MAL2: variants seen among roughly 807,000 people sequenced by gnomAD.
MAL2 encodes the protein mal, T cell differentiation protein 2, also known as protein MAL2.
Under a neutral mutation model 18.1 loss-of-function variants are expected in MAL2, and 17 were observed. That is an observed-to-expected ratio of 0.94 (90% CI 0.64 to 1.41). The LOEUF is 1.41. Among genes scored for constraint, MAL2 ranks in the 40% most tolerant of loss-of-function variants. The pLI, the probability that MAL2 is intolerant of heterozygous loss-of-function variation, is 0.00. For missense variants in MAL2, 222 were observed against 231.9 expected, an observed-to-expected ratio of 0.96 and a Z score of 0.28; for synonymous variants, 102 against 102.3, an observed-to-expected ratio of 1.00 and a Z score of 0.02.
rs1332559259 is a variant in MAL2 at position 119,208,611 on chromosome 8, G to T, written c.132+7G>T. On this transcript the variant is annotated splice_region_variant and intron_variant, in intron 1 of 3. Transcript: ENST00000614891. The surrounding 1 kb of genome is among the most constrained non-coding windows in gnomAD (Gnocchi z 4.3). ...CTTCGTCTGCCTGGAGATTGTAAGT[G>T]GGGCCGCCGGAGCGAGGGTCGCGCG... The T allele has an allele frequency of 2.3e-6, 3 of 1,316,278 alleles. No homozygotes were observed. Among genetic ancestry groups the T allele is most frequent in the African/African-American group, 3.1e-5 (2 of 65,498 alleles). 81.5% of individuals were successfully genotyped at this position (1,316,278 alleles called of 1,614,324 possible). A position where few individuals can be genotyped will look rare whatever the true frequency, so the allele number is the denominator to read the frequency against.
At chr8:119,229,313 CTTTTTTTTT>C (rs60554580) in intron 2 of MAL2, among the ~76,000 whole-genome samples, 7 of 137,488 alleles carry the variant, frequency 5.1e-5, no homozygotes, top group African/African-American at 1.4e-4. Flanking sequence ...CTGTGGGCCT[CTTTTTTTTT>C]TTTTTTTTGA....
At chr8:119,216,000 C>CT (rs376321795) in intron 1 of MAL2, among the ~76,000 whole-genome samples, 243 of 151,726 alleles carry the variant, frequency 1.6e-3, no homozygotes, top group Non-Finnish European at 2.9e-3. Flanking sequence ...TGTAGATAAT[C>CT]TTTTTTTTTC....
At position 119,208,670 on chromosome 8, in the gene MAL2, C is replaced by T; in HGVS notation, c.132+66C>T. 1.6e-6 allele frequency: 2 copies of T among 1,238,790 alleles called. No individual in the cohort carries two copies. Among genetic ancestry groups the T allele is most frequent in the Non-Finnish European group, 2.0e-6 (2 of 989,418 alleles). The allele number at this position is 1,238,790 out of a possible 1,614,324, so 76.7% of individuals were successfully genotyped here. A position where few individuals can be genotyped will look rare whatever the true frequency, so the allele number is the denominator to read the frequency against. On this transcript the variant is annotated intron_variant, in intron 1 of 3. Transcript: ENST00000614891. The surrounding 1 kb of genome is among the most constrained non-coding windows in gnomAD (Gnocchi z 4.3). The stretch of plus-strand genomic sequence containing the variant: ...GGACAGGCGGCGGCATCCTTGTCCC[C>T]CGGGCTGTCTTCCTCTGCGTCCGCC...
chr8:119,225,807 C>T (rs1254493217), intron 2 of MAL2, among the ~76,000 whole-genome samples: 37 of 152,140 alleles, frequency 2.4e-4, no homozygotes, highest in Non-Finnish European at 7.3e-5. Flanking sequence ...TTAATGATTG[C>T]CATTCTAACT....
intron 2 of MAL2, 125 bp downstream of exon 2, chr8:119,221,882 G>C: frequency 1.0e-6 from 1 of 1,002,136 alleles, no homozygotes; most frequent in Non-Finnish European, 1.4e-6. Flanking sequence ...CAACCACAGA[G>C]ACTGCTGTGG....
At chr8:119,236,433 A>C (rs1372587390) in intron 2 of MAL2, among the ~76,000 whole-genome samples, 1 of 151,640 alleles carries the variant, frequency 6.6e-6, no homozygotes, top group African/African-American at 2.4e-5. Context: ...TCAGCTCTGC[A>C]CCAAGTGGAC....
At position 119,208,718 on chromosome 8, in the gene MAL2, T is replaced by C; in HGVS notation, c.132+114T>C. 1 of 1,210,884 alleles carries C rather than the reference T, an allele frequency of 8.3e-7. No homozygotes were observed. Among genetic ancestry groups the C allele is most frequent in the East Asian group, 3.3e-5 (1 of 30,266 alleles). The allele number at this position is 1,210,884 out of a possible 1,614,324, so 75.0% of individuals were successfully genotyped here. A position where few individuals can be genotyped will look rare whatever the true frequency, so the allele number is the denominator to read the frequency against. On this transcript the variant is annotated intron_variant, in intron 1 of 3. Transcript: ENST00000614891. The surrounding 1 kb of genome is among the most constrained non-coding windows in gnomAD (Gnocchi z 4.3). The stretch of plus-strand genomic sequence containing the variant: ...GCCCCCGGCCTCCTTCCCTTCGACG[T>C]GGCTTTGTCCTGCGCTCCCTCCCGG...
Position 119,243,780 on chromosome 8 carries a change from T to C in MAL2, c.*292T>C. The C allele has an allele frequency of 1.2e-5, 3 of 250,046 alleles. No homozygotes were observed. Among genetic ancestry groups the C allele is most frequent in the Non-Finnish European group, 2.3e-5 (3 of 132,424 alleles). The allele number at this position is 250,046 out of a possible 1,614,324, so 15.5% of individuals were successfully genotyped here. On this transcript the variant is annotated 3_prime_UTR_variant, in exon 4 of 4. Transcript: ENST00000614891. Reference sequence around the variant, plus strand: ...TTTATGTCCATAAAATACAAATATATTGTTCATAAAAAATTAGTATCCCTT... The same window carrying C: ...TTTATGTCCATAAAATACAAATATACTGTTCATAAAAAATTAGTATCCCTT...
chr8:119,208,638 G>A lies in MAL2; in HGVS notation c.132+34G>A. 7.8e-7 allele frequency: 1 copy of A among 1,282,836 alleles called. No homozygotes were observed. The highest frequency in any genetic ancestry group is 2.6e-5 in the South Asian group (1 of 38,574). 79.5% of individuals were successfully genotyped at this position (1,282,836 alleles called of 1,614,324 possible). On this transcript the variant is annotated intron_variant, in intron 1 of 3. Transcript: ENST00000614891. The surrounding 1 kb of genome is among the most constrained non-coding windows in gnomAD (Gnocchi z 4.3). ...GGCCGCCGGAGCGAGGGTCGCGCGG[G>A]GAGCGAGGACAGGCGGCGGCATCCT...
At chr8:119,239,574 G>A (rs1348592549) in intron 2 of MAL2, among the ~76,000 whole-genome samples, 5 of 151,836 alleles carry the variant, frequency 3.3e-5, no homozygotes, top group Non-Finnish European at 1.5e-5. Flanking sequence ...TATACACCAT[G>A]GAATACTATG....
intron 2 of MAL2, among the ~76,000 whole-genome samples, chr8:119,228,260 T>C (rs1817637864): frequency 6.6e-6 from 1 of 152,150 alleles, no homozygotes; most frequent in South Asian, 2.1e-4. Context: ...TAGCCATAGC[T>C]TGTAGCTCAA....
At chr8:119,221,443 A>G (rs963345002) in intron 1 of MAL2, 144 bp from the exon 2 acceptor site, 24 of 951,922 alleles carry the variant, frequency 2.5e-5, no homozygotes, top group South Asian at 6.9e-5. Flanking sequence ...ATAAGGGGAA[A>G]ATCGAAGGGA....
chr8:119,217,647 G>A (rs771787848), intron 1 of MAL2, among the ~76,000 whole-genome samples: 1 of 152,178 alleles, frequency 6.6e-6, no homozygotes, highest in South Asian at 2.1e-4. Context: ...GATCCAAGAC[G>A]ATGAGAATAA....
intron 2 of MAL2, among the ~76,000 whole-genome samples, chr8:119,233,885 T>C (rs909984525): frequency 7.9e-5 from 12 of 152,064 alleles, no homozygotes; most frequent in African/African-American, 2.9e-4. Context: ...AAAGAGAATT[T>C]TAGACCAATA....
intron 1 of MAL2, among the ~76,000 whole-genome samples, chr8:119,219,798 T>C (rs983438275): frequency 2.0e-5 from 3 of 152,096 alleles, no homozygotes; most frequent in African/African-American, 7.2e-5. Context: ...TTACAGTGTA[T>C]CTCACTGATG....
intron 2 of MAL2, among the ~76,000 whole-genome samples, chr8:119,226,946 T>C (rs1410207959): frequency 6.6e-6 from 1 of 152,144 alleles, no homozygotes; most frequent in Non-Finnish European, 1.5e-5. Context: ...GTGGAAGACC[T>C]TCTTAACACA....
chr8:119,209,892 C>T (rs1302829754), intron 1 of MAL2, among the ~76,000 whole-genome samples: 1 of 152,152 alleles, frequency 6.6e-6, no homozygotes, highest in Non-Finnish European at 1.5e-5. Flanking sequence ...GTGCAGGCAT[C>T]CATGTGGGAA....
In MAL2 at chr8:119,228,600, A is replaced by G. The variant is rs141019090; in HGVS notation, c.303+6843A>G. On this transcript the variant is annotated intron_variant, in intron 2 of 3. Transcript: ENST00000614891. ...CAGCAGCTTCTAGGTGGTGCAGTAC[A>G]TGATGCAGCCCATGGGTAGGCACCC... Among the ~76,000 whole-genome samples the G allele has an allele frequency of 2.8e-3, 432 of 152,146 alleles. 1 individual carries two copies. Among genetic ancestry groups the G allele is most frequent in the African/African-American group, 9.8e-3 (407 of 41,540 alleles).
intron 1 of MAL2, among the ~76,000 whole-genome samples, chr8:119,216,904 G>A (rs1817364918): frequency 6.6e-6 from 1 of 152,154 alleles, no homozygotes; most frequent in African/African-American, 2.4e-5. Flanking sequence ...ATTTTTAGCT[G>A]TCAGAGGGTA....
Sources: allele counts gnomAD v4.1 joint callset (sites outside exome capture counted in the v4.1 genomes callset), GRCh38; gene constraint gnomAD v4.1.1; non-coding constraint Gnocchi (gnomAD v3.1); transcripts MANE v1.5; gene names NCBI Gene and HGNC (gene_info 2026-07-23, HGNC 2026-07-21).